The following KMT2C variants were observed in gnomAD, a reference collection of about 807,000 sequenced individuals.
KMT2C encodes histone-lysine N-methyltransferase 2C.
Under a neutral mutation model 507.9 loss-of-function variants are expected in KMT2C, and 88 were observed. The observed-to-expected ratio is 0.17, with a 90% CI of 0.15 to 0.21. The LOEUF (loss-of-function observed/expected upper bound fraction) is 0.21. KMT2C is among the 10% of genes least tolerant of loss of function. KMT2C has a pLI of 1.00. For synonymous variants in KMT2C, 2,049 were observed against 2,080.8 expected (o/e 0.98, Z 0.42); for missense variants, 4,954 against 5,957.8 (o/e 0.83, Z 5.55).
chr7:152,427,703 A>C (rs2097832356), intron 1 of KMT2C, among the ~76,000 whole-genome samples: 1 of 152,180 alleles, frequency 6.6e-6, no homozygotes, highest in Non-Finnish European at 1.5e-5. Context: ...AGGGCAACAA[A>C]GCATCCTAAT....
chr7:152,208,463 C>G (rs2094365200), intron 23 of KMT2C, among the ~76,000 whole-genome samples: 2 of 152,156 alleles, frequency 1.3e-5, no homozygotes. Flanking sequence ...AAATCTGTGT[C>G]CCTGCTAGAC....
chr7:152,184,527 G>A (rs377754924), intron 34 of KMT2C, among the ~76,000 whole-genome samples: 33 of 152,114 alleles, frequency 2.2e-4, no homozygotes, highest in African/African-American at 7.7e-4. Flanking sequence ...CTTTAAACAT[G>A]TCTAAATATT....
In KMT2C at chr7:152,390,887, C is replaced by A. The variant is rs140831195; in HGVS notation, c.162-32212G>T. ...CTCTGCCAGGAGCAACGGCTCACGCCTGTAATCCCAGCACTTTGGGAGGCC... is the reference window on the plus strand; with the variant it reads ...CTCTGCCAGGAGCAACGGCTCACGCATGTAATCCCAGCACTTTGGGAGGCC... On this transcript the variant is annotated intron_variant, in intron 1 of 58. Transcript: ENST00000262189. Among the ~76,000 whole-genome samples the A allele has an allele frequency of 3.3e-3, 502 of 152,274 alleles. 2 individuals are homozygous for A. Among genetic ancestry groups the A allele is most frequent in the African/African-American group, 0.011 (466 of 41,550 alleles).
At chr7:152,331,534 C>T (rs867672780) in intron 2 of KMT2C, among the ~76,000 whole-genome samples, 2 of 151,470 alleles carry the variant, frequency 1.3e-5, no homozygotes, top group Non-Finnish European at 2.9e-5. Context: ...AATCAAGCCC[C>T]GGCAGCGGAG....
At chr7:152,195,832 A>G in intron 28 of KMT2C, 75 bp downstream of exon 28, 2 of 765,196 alleles carry the variant, frequency 2.6e-6, no homozygotes, top group Admixed American at 6.4e-5. Flanking sequence ...ACAAAAGGCT[A>G]AACTTGTTCC....
Position 152,136,726 on chromosome 7 carries a change from A to G in KMT2C, c.*106T>C. The stretch of plus-strand genomic sequence containing the variant: ...CTCCCAGAAGCTTTTTCAAAAAGTC[A>G]TAAAACAGAAAACAAAAATCTCTTT... On this transcript the variant is annotated 3_prime_UTR_variant, in exon 59 of 59. Coordinates refer to ENST00000262189, the MANE Select transcript of KMT2C (RefSeq NM_170606.3). The G allele has an allele frequency of 1.2e-6, 1 of 827,324 alleles. No homozygotes were observed. Among genetic ancestry groups the G allele is most frequent in the Non-Finnish European group, 2.0e-6 (1 of 493,958 alleles). The allele number at this position is 827,324 out of a possible 1,614,324, so 51.2% of individuals were successfully genotyped here. A position where few individuals can be genotyped will look rare whatever the true frequency, so the allele number is the denominator to read the frequency against.
chr7:152,278,140 C>A (rs1445543468), intron 6 of KMT2C, among the ~76,000 whole-genome samples: 1 of 152,062 alleles, frequency 6.6e-6, no homozygotes, highest in Non-Finnish European at 1.5e-5. Context: ...GCTGTCCTTG[C>A]GATAACGAGT....
intron 9 of KMT2C, among the ~76,000 whole-genome samples, chr7:152,259,446 G>GCGCGCGCACACACA (rs1188729137): frequency 4.5e-5 from 6 of 134,786 alleles, no homozygotes; most frequent in African/African-American, 1.7e-4. Context: ...ACACACACGC[G>GCGCGCGCACACACA]CACACACACA....
intron 39 of KMT2C, among the ~76,000 whole-genome samples, chr7:152,172,442 T>TTGCA (rs1554489352): frequency 6.6e-6 from 1 of 152,192 alleles, no homozygotes; most frequent in Non-Finnish European, 1.5e-5. Flanking sequence ...ATGCCTGTAA[T>TTGCA]TGCAGCACTT....
At chr7:152,298,824 A>T (rs756354291) in intron 6 of KMT2C, among the ~76,000 whole-genome samples, 2 of 152,236 alleles carry the variant, frequency 1.3e-5, no homozygotes, top group Non-Finnish European at 2.9e-5. Flanking sequence ...ACATATATAA[A>T]AGTCAAATGC....
rs753311438 is a variant in KMT2C, at chr7:152,139,771, A to G, written c.14364T>C (p.Ala4788=). ...SRIQGLGLYA[A]RDIEKHTMVI... ...CCATGGTGTGTTTCTCAATGTCTCG[A>G]GCAGCATACAGGCCCAGCCCCTAAA... is the stretch of plus-strand genomic sequence containing the variant. Residue 4788 remains alanine (A), a synonymous_variant, in exon 56 of 59, where the codon GCT becomes GCC. Transcript: ENST00000262189. 4 of 1,613,826 alleles carry G rather than the reference A, an allele frequency of 2.5e-6. No homozygotes were observed. The highest frequency in any genetic ancestry group is 2.2e-5 in the East Asian group (1 of 44,894).
intron 2 of KMT2C, among the ~76,000 whole-genome samples, chr7:152,347,426 C>T (rs1335037180): frequency 6.6e-6 from 1 of 152,144 alleles, no homozygotes; most frequent in Admixed American, 6.5e-5. Flanking sequence ...TGAGAAGCGC[C>T]AGATCACTTT....
intron 2 of KMT2C, among the ~76,000 whole-genome samples, chr7:152,336,642 C>T (rs954826051): frequency 6.6e-6 from 1 of 152,174 alleles, no homozygotes; most frequent in Non-Finnish European, 1.5e-5. Context: ...CCAGGTTTGG[C>T]GACTCCACCA....
At chr7:152,209,177 C>T (rs1236640106) in intron 23 of KMT2C, among the ~76,000 whole-genome samples, 9 of 149,848 alleles carry the variant, frequency 6.0e-5, no homozygotes, top group East Asian at 2.0e-4. Flanking sequence ...AAAAAAAAGG[C>T]CAGGCACGGT....
In KMT2C at chr7:152,315,166, C is replaced by T. The variant is rs867455810; in HGVS notation, c.562G>A (p.Ala188Thr). The T allele has an allele frequency of 4.3e-6, 7 of 1,614,030 alleles. No individual in the cohort carries two copies. In the African/African-American group the frequency reaches 8.0e-5, roughly 18 times the overall value. ...NGTYEKMQNSAPRKQRGQRKE... is the reference protein window; with the variant it reads ...NGTYEKMQNSTPRKQRGQRKE... ...CTCTGTCCTCTTTGTTTTCGTGGTG[C>T]TGAGTTTTGCATTTTCTCATAGGTT... Residue 188 changes from alanine to threonine, a missense_variant, in exon 4 of 59, where the codon GCA becomes ACA. Ala to Thr is a moderately conservative substitution (Grantham distance 58). Coordinates refer to ENST00000262189, the MANE Select transcript of KMT2C (RefSeq NM_170606.3).
chr7:152,428,999 C>A, intron 1 of KMT2C, among the ~76,000 whole-genome samples: 1 of 152,186 alleles, frequency 6.6e-6, no homozygotes, highest in East Asian at 1.9e-4. Context: ...TCTAGTCACA[C>A]AGTCAGAAGC....
intron 1 of KMT2C, among the ~76,000 whole-genome samples, chr7:152,426,158 C>G (rs976861599): frequency 6.6e-6 from 1 of 151,286 alleles, no homozygotes; most frequent in African/African-American, 2.4e-5. Flanking sequence ...TTGGGGACAT[C>G]TGCGTACAAA....
In KMT2C at chr7:152,145,122, G is replaced by C. The variant is rs775627980; in HGVS notation, c.14174+31C>G. ...ACCACTAATACGCCTAGAAACCCTG[G>C]GCTGTACTATGTGAAGTTAAAACAA... is the stretch of plus-strand genomic sequence containing the variant. On this transcript the variant is annotated intron_variant, in intron 54 of 58. Coordinates refer to ENST00000262189, the MANE Select transcript of KMT2C (RefSeq NM_170606.3). 3.7e-6 allele frequency: 6 copies of C among 1,609,730 alleles called. No individual in the cohort carries two copies. In the East Asian group the frequency reaches 1.1e-4, roughly 30 times the overall value.
intron 3 of KMT2C, among the ~76,000 whole-genome samples, chr7:152,324,568 T>C (rs1009880363): frequency 1.3e-5 from 2 of 151,788 alleles, no homozygotes; most frequent in East Asian, 1.9e-4. Flanking sequence ...GACAGCTGAA[T>C]AGAAAAAAAT....
Sources: gnomAD v4.1 joint callset for allele counts (sites outside exome capture counted in the v4.1 genomes callset) on GRCh38, gnomAD v4.1.1 for gene constraint, MANE v1.5 for transcripts, NCBI Gene and HGNC (gene_info 2026-07-23, HGNC 2026-07-21) for gene names.